Variants in ATOSA observed in about 807,000 individuals in gnomAD.
ATOSA encodes the protein atos homolog protein A.
the ATOSA span, chr15:52,605,135 G>A: frequency 6.2e-7 from 1 of 1,602,090 alleles, no homozygotes; most frequent in Non-Finnish European, 8.5e-7. Flanking sequence ...ATGCTTACAG[G>A]GCTTGAAAGA....
At chr15:52,700,279 C>A in the ATOSA span, among the ~76,000 whole-genome samples, 1 of 152,138 alleles carries the variant, frequency 6.6e-6, no homozygotes, top group Non-Finnish European at 1.5e-5. Context: ...TTATTGTCCA[C>A]GTGTAAAGTT....
At chr15:52,593,364 T>C in the ATOSA span, 1 of 487,668 alleles carries the variant, frequency 2.1e-6, no homozygotes, top group African/African-American at 2.0e-5. Context: ...CAAAGAGAAA[T>C]AAGTACATTT....
the ATOSA span, chr15:52,608,568 C>A: frequency 6.4e-7 from 1 of 1,560,280 alleles, no homozygotes; most frequent in South Asian, 1.2e-5. Context: ...TGTTACTTAC[C>A]AATACCTCTG....
the ATOSA span, among the ~76,000 whole-genome samples, chr15:52,668,532 T>C: frequency 2.0e-5 from 3 of 152,164 alleles, no homozygotes; most frequent in African/African-American, 7.2e-5. Context: ...TTATATATTA[T>C]AAAATAGCTA....
the ATOSA span, among the ~76,000 whole-genome samples, chr15:52,633,197 G>A: frequency 2.0e-5 from 3 of 152,102 alleles, no homozygotes; most frequent in Non-Finnish European, 4.4e-5. Flanking sequence ...TAGGCTGGAG[G>A]GAAAACCTGA....
chr15:52,625,899 G>A, the ATOSA span, among the ~76,000 whole-genome samples: 1 of 152,140 alleles, frequency 6.6e-6, no homozygotes, highest in Non-Finnish European at 1.5e-5. Flanking sequence ...AACCAGCTCT[G>A]CTACTTGCTA....
the ATOSA span, among the ~76,000 whole-genome samples, chr15:52,675,697 A>G: frequency 6.6e-6 from 1 of 152,180 alleles, no homozygotes; most frequent in Non-Finnish European, 1.5e-5. Flanking sequence ...TCACGAGCTC[A>G]GGAGATCGAG....
At chr15:52,689,848 C>G in the ATOSA span, among the ~76,000 whole-genome samples, 61 of 152,184 alleles carry the variant, frequency 4.0e-4, no homozygotes, top group Admixed American at 1.1e-3. Flanking sequence ...GACACAGAAG[C>G]CTCCCTAACA....
At chr15:52,685,647 T>G in the ATOSA span, among the ~76,000 whole-genome samples, 1 of 152,172 alleles carries the variant, frequency 6.6e-6, no homozygotes, top group South Asian at 2.1e-4. Flanking sequence ...TTGCCCAGGC[T>G]GGTCTTGAAC....
At chr15:52,661,945 A>AC in the ATOSA span, among the ~76,000 whole-genome samples, 1 of 151,464 alleles carries the variant, frequency 6.6e-6, no homozygotes, top group Non-Finnish European at 1.5e-5. Flanking sequence ...AAAAAAAAAA[A>AC]AAAAAAACAG....
the ATOSA span, among the ~76,000 whole-genome samples, chr15:52,675,618 T>C: frequency 1.3e-5 from 2 of 152,196 alleles, no homozygotes; most frequent in African/African-American, 4.8e-5. Context: ...TATAGAAAAC[T>C]TAGTGTTAGG....
the ATOSA span, among the ~76,000 whole-genome samples, chr15:52,624,767 T>C: frequency 6.7e-6 from 1 of 148,658 alleles, no homozygotes. Flanking sequence ...CAAAGGAATA[T>C]GTGTACCTGC....
chr15:52,676,255 A>G, the ATOSA span, among the ~76,000 whole-genome samples: 1 of 152,162 alleles, frequency 6.6e-6, no homozygotes, highest in South Asian at 2.1e-4. Flanking sequence ...TGTAGTTTAA[A>G]AAAAAAAATG....
At chr15:52,588,601 G>C in the ATOSA span, among the ~76,000 whole-genome samples, 1 of 152,112 alleles carries the variant, frequency 6.6e-6, no homozygotes, top group Admixed American at 6.6e-5. Flanking sequence ...ACCACGCCCA[G>C]CTAATTTTTG....
the ATOSA span, among the ~76,000 whole-genome samples, chr15:52,608,294 A>G: frequency 1.3e-5 from 2 of 152,316 alleles, no homozygotes; most frequent in Non-Finnish European, 2.9e-5. Context: ...CATGAAAACA[A>G]TTACTGTCCT....
At chr15:52,641,722 T>C in the ATOSA span, among the ~76,000 whole-genome samples, 6 of 152,350 alleles carry the variant, frequency 3.9e-5, no homozygotes, top group African/African-American at 1.4e-4. Context: ...AAATGGCAGT[T>C]GTAAATATAT....
the ATOSA span, among the ~76,000 whole-genome samples, chr15:52,663,631 G>GT: frequency 1.3e-5 from 2 of 152,134 alleles, no homozygotes; most frequent in Middle Eastern, 3.4e-3. Flanking sequence ...AATCAAAACT[G>GT]TTTTTTCTGA....
the ATOSA span, among the ~76,000 whole-genome samples, chr15:52,686,127 G>C: frequency 6.6e-6 from 1 of 152,206 alleles, no homozygotes; most frequent in South Asian, 2.1e-4. Flanking sequence ...ATTTTTAGAA[G>C]CAGTGATGGG....
the ATOSA span, among the ~76,000 whole-genome samples, chr15:52,695,988 G>A: frequency 6.6e-6 from 1 of 152,108 alleles, no homozygotes; most frequent in Admixed American, 6.6e-5. Flanking sequence ...CTGGAGAGGG[G>A]ATAGAGGCCT....
Sources: allele counts gnomAD v4.1 joint callset (sites outside exome capture counted in the v4.1 genomes callset), GRCh38; gene constraint gnomAD v4.1.1; transcripts MANE v1.5; gene names NCBI Gene and HGNC (gene_info 2026-07-23, HGNC 2026-07-21).